The following SYBU variants were observed in gnomAD, a reference collection of about 807,000 sequenced individuals.
The protein encoded by SYBU is GOLSYN A protein.
Under a neutral mutation model 35.9 loss-of-function variants are expected in SYBU, and 21 were observed. The ratio of observed to expected loss-of-function variants is 0.58; its 90% CI spans 0.41 to 0.84. The LOEUF is 0.84. Ranked by LOEUF, SYBU falls within the 40% of genes least tolerant of loss-of-function variation. The probability of loss-of-function intolerance (pLI) is 0.00; values close to 1 mark genes in which losing one functional copy is unlikely to be tolerated. For missense variants in SYBU, 768 were observed against 848.2 expected, an observed-to-expected ratio of 0.91 and a Z score of 1.17; for synonymous variants, 319 against 324.3, an observed-to-expected ratio of 0.98 and a Z score of 0.18.
upstream of SYBU, among the ~76,000 whole-genome samples, chr8:109,683,474 T>C (rs1394306863): frequency 1.3e-5 from 2 of 152,260 alleles, no homozygotes; most frequent in East Asian, 1.9e-4. Flanking sequence ...TGGGTCTATT[T>C]GTCCAATGCC....
At chr8:109,596,482 T>C (rs545705050) in intron 3 of SYBU, among the ~76,000 whole-genome samples, 2 of 152,366 alleles carry the variant, frequency 1.3e-5, no homozygotes, top group South Asian at 4.1e-4. Context: ...TTATCCCCTG[T>C]TCACCATTTC....
chr8:109,624,173 C>G (rs145546401), intron 2 of SYBU, among the ~76,000 whole-genome samples: 2,424 of 152,040 alleles, frequency 0.016, 30 homozygotes, highest in Middle Eastern at 0.054. Context: ...ATAAAAAAAA[C>G]TGAGTTCATG....
intron 5 of SYBU, 28 bp downstream of exon 5, chr8:109,579,771 A>G: frequency 6.3e-7 from 1 of 1,593,734 alleles, no homozygotes; most frequent in Non-Finnish European, 8.6e-7. Context: ...ACAAACTAAG[A>G]TGCATGAATT....
At chr8:109,581,203 C>G (rs1822991192) in intron 4 of SYBU, 1 of 152,198 alleles carries the variant, frequency 6.6e-6, no homozygotes, top group Non-Finnish European at 1.5e-5. Flanking sequence ...TTCTTTCTAT[C>G]CTCCTACTTT....
At chr8:109,585,860 A>C in intron 4 of SYBU, 200 bp downstream of exon 4, 1 of 571,450 alleles carries the variant, frequency 1.7e-6, no homozygotes, top group Admixed American at 3.1e-5. Flanking sequence ...GGATGTACAA[A>C]CACAGGTGAG....
intron 1 of SYBU, among the ~76,000 whole-genome samples, chr8:109,662,716 C>T (rs1260953535): frequency 6.6e-6 from 1 of 152,214 alleles, no homozygotes; most frequent in Non-Finnish European, 1.5e-5. Context: ...GCTTCAATAG[C>T]TTTTCAAAAT....
chr8:109,587,342 T>C (rs1320762996), intron 3 of SYBU, among the ~76,000 whole-genome samples: 2 of 152,210 alleles, frequency 1.3e-5, no homozygotes, highest in Admixed American at 6.5e-5. Flanking sequence ...TTATTTAATA[T>C]TGACATCTTT....
upstream of SYBU, chr8:109,645,055 G>A: frequency 1.6e-5 from 8 of 501,170 alleles, no homozygotes; most frequent in South Asian, 1.3e-4. Flanking sequence ...GGCAGGCTGC[G>A]GCTAGCGGCA....
chr8:109,576,040 A>C lies in SYBU; in HGVS notation c.885-27T>G, dbSNP rs761802327. On this transcript the variant is annotated intron_variant, in intron 6 of 6. Coordinates refer to ENST00000276646, the MANE Select transcript of SYBU (RefSeq NM_001099754.2). ...TAGAGTGCCAAGACAAGCATGGTTA[A>C]TTAAAAAAAAAAAAAAAAAAAAAAA... 1.1e-5 allele frequency: 11 copies of C among 995,376 alleles called. No homozygotes were observed. The Admixed American group carries it at 4.7e-4, about 42-fold the overall frequency. The allele number at this position is 995,376 out of a possible 1,614,324, so 61.7% of individuals were successfully genotyped here. A position where few individuals can be genotyped will look rare whatever the true frequency, so the allele number is the denominator to read the frequency against.
At chr8:109,620,133 A>G (rs1389386012) in intron 2 of SYBU, among the ~76,000 whole-genome samples, 1 of 152,210 alleles carries the variant, frequency 6.6e-6, no homozygotes, top group Non-Finnish European at 1.5e-5. Context: ...TATTTTGATG[A>G]GCAGAACTGT....
chr8:109,689,200 C>T (rs1454512363), intron 1 of SYBU, among the ~76,000 whole-genome samples: 1 of 152,080 alleles, frequency 6.6e-6, no homozygotes, highest in Admixed American at 6.5e-5. Context: ...ACAGAGAGAT[C>T]CCATGTACCC....
chr8:109,619,179 G>A (rs1232510333), intron 2 of SYBU, 140 bp from the exon 3 acceptor site: 1 of 642,562 alleles, frequency 1.6e-6, no homozygotes, highest in Admixed American at 2.7e-5. Context: ...AACTGCTGTG[G>A]ACTCTCCTCT....
chr8:109,649,173 C>T (rs1014884670), upstream of SYBU, among the ~76,000 whole-genome samples: 3 of 151,218 alleles, frequency 2.0e-5, no homozygotes, highest in East Asian at 2.0e-4. Context: ...AGCTAATTTT[C>T]GTTATTTTAA....
chr8:109,666,942 C>G (rs905329805), intron 1 of SYBU, among the ~76,000 whole-genome samples: 1 of 151,998 alleles, frequency 6.6e-6, no homozygotes, highest in Non-Finnish European at 1.5e-5. Context: ...TTAGCTTATC[C>G]TCTAATTTAA....
chr8:109,576,042 TAAAAAAAAAAAAAAAA>T, intron 6 of SYBU, 29 bp from the exon 7 acceptor site: 3 of 844,632 alleles, frequency 3.6e-6, no homozygotes, highest in South Asian at 5.1e-5. Context: ...CATGGTTAAT[TAAAAAAAAAAAAAAAA>T]AAAAAAAAAA....
intron 2 of SYBU, 66 bp downstream of exon 2, chr8:109,642,662 C>CCCATACTGGGT: frequency 1.4e-5 from 16 of 1,111,390 alleles, no homozygotes; most frequent in Non-Finnish European, 1.8e-5. Context: ...CCAGTATGGG[C>CCCATACTGGGT]CCATTCACAA....
At chr8:109,679,117 A>G (rs777260733) in intron 1 of SYBU, among the ~76,000 whole-genome samples, 4 of 152,182 alleles carry the variant, frequency 2.6e-5, no homozygotes, top group Non-Finnish European at 5.9e-5. Context: ...TTATATGCTA[A>G]TTATAATTCA....
At chr8:109,627,233 G>A (rs946196750) in intron 2 of SYBU, among the ~76,000 whole-genome samples, 1 of 152,142 alleles carries the variant, frequency 6.6e-6, no homozygotes, top group Non-Finnish European at 1.5e-5. Flanking sequence ...AACAATGGAA[G>A]CATTTACTGA....
At chr8:109,638,208 G>C (rs1050537509) in intron 2 of SYBU, among the ~76,000 whole-genome samples, 2 of 152,178 alleles carry the variant, frequency 1.3e-5, no homozygotes, top group Admixed American at 1.3e-4. Flanking sequence ...AGTTCTAAGG[G>C]GGTAATTATT....
Sources: allele counts gnomAD v4.1 joint callset (sites outside exome capture counted in the v4.1 genomes callset), GRCh38; gene constraint gnomAD v4.1.1; transcripts MANE v1.5; gene names NCBI Gene and HGNC (gene_info 2026-07-23, HGNC 2026-07-21).